The following PACRG variants were observed in gnomAD, a reference collection of about 807,000 sequenced individuals.
PACRG encodes the protein parkin coregulated, also known as parkin coregulated gene protein.
A neutral mutation model predicts 29.7 loss-of-function variants in PACRG; 29 were observed. The observed-to-expected ratio is 0.98, with a 90% CI of 0.73 to 1.33. The LOEUF (loss-of-function observed/expected upper bound fraction) is 1.33. Ranked by LOEUF, PACRG falls within the 40% of genes most tolerant of loss-of-function variation. The pLI, the probability that PACRG is intolerant of heterozygous loss-of-function variation, is 0.00. For synonymous variants in PACRG, 116 were observed against 118.7 expected (o/e 0.98, Z 0.15); for missense variants, 279 against 316.2 (o/e 0.88, Z 0.89).
At chr6:162,995,484 G>T (rs1803929738) in intron 2 of PACRG, among the ~76,000 whole-genome samples, 1 of 152,180 alleles carries the variant, frequency 6.6e-6, no homozygotes, top group Non-Finnish European at 1.5e-5. Context: ...GCAGTATTCG[G>T]GTGGGAGTGA....
At chr6:163,293,530 C>G (rs1421263782) in intron 4 of PACRG, among the ~76,000 whole-genome samples, 1 of 152,226 alleles carries the variant, frequency 6.6e-6, no homozygotes, top group Non-Finnish European at 1.5e-5. Flanking sequence ...ACAGTTACAT[C>G]ATGAACTAAG....
At chr6:162,983,285 G>A (rs959161879) in intron 2 of PACRG, among the ~76,000 whole-genome samples, 2 of 151,998 alleles carry the variant, frequency 1.3e-5, no homozygotes, top group African/African-American at 4.8e-5. Flanking sequence ...TTTAAGTGGA[G>A]CATTTAGGCC....
chr6:162,727,919 C>T, upstream of PACRG: 1 of 592,222 alleles, frequency 1.7e-6, no homozygotes, highest in Admixed American at 3.0e-5. Flanking sequence ...GCTTCAGGCC[C>T]AGCAATCTTA....
At chr6:163,059,971 G>T (rs561609048) in intron 2 of PACRG, among the ~76,000 whole-genome samples, 26 of 152,168 alleles carry the variant, frequency 1.7e-4, no homozygotes, top group Non-Finnish European at 3.5e-4. Context: ...ATAAATTTAA[G>T]TTTGGAAATG....
chr6:162,986,459 G>T (rs1222789782), intron 2 of PACRG, among the ~76,000 whole-genome samples: 1 of 152,120 alleles, frequency 6.6e-6, no homozygotes, highest in Non-Finnish European at 1.5e-5. Flanking sequence ...ATAAAGTGGG[G>T]AAAGGACACC....
chr6:163,281,010 A>G (rs1784208162), intron 4 of PACRG, among the ~76,000 whole-genome samples: 1 of 152,184 alleles, frequency 6.6e-6, no homozygotes, highest in Non-Finnish European at 1.5e-5. Flanking sequence ...CCTTCCCGTC[A>G]GATTATGAAA....
chr6:162,813,160 AT>A (rs1193233665), intron 1 of PACRG, among the ~76,000 whole-genome samples: 3 of 151,934 alleles, frequency 2.0e-5, no homozygotes, highest in Non-Finnish European at 4.4e-5. Flanking sequence ...ATTCATTAAA[AT>A]TGGAGTTTTT....
rs150080935 is a variant in PACRG, at chr6:163,008,624, C to T, written c.292-53526C>T. The stretch of plus-strand genomic sequence containing the variant: ...ATCAAGCCCAACGGAAAGCTTTCTA[C>T]GAGAGCCTGGGCCACCAGGAACTTT... On this transcript the variant is annotated intron_variant, in intron 2 of 4. Transcript: ENST00000366888. 4.6e-4 allele frequency among the ~76,000 whole-genome samples: 69 copies of T among 148,824 alleles called. 1 individual carries two copies. The highest frequency in any genetic ancestry group is 1.4e-3 in the African/African-American group (58 of 40,234).
rs118077614 is a variant in PACRG, at chr6:163,037,674, C to T, written c.292-24476C>T. ...AACAACTATCCTCTCGCAACATACT[C>T]GGGCACCCCAGGATTTCCCTCAGTC... On this transcript the variant is annotated intron_variant, in intron 2 of 4. Coordinates refer to ENST00000366888, the MANE Select transcript of PACRG (RefSeq NM_001080379.2). Among the ~76,000 whole-genome samples the T allele has an allele frequency of 8.4e-4, 128 of 152,348 alleles. 1 individual carries two copies. In the East Asian group the frequency reaches 0.02, roughly 24 times the overall value.
intron 2 of PACRG, among the ~76,000 whole-genome samples, chr6:163,013,836 T>A (rs1463308053): frequency 2.6e-5 from 4 of 151,822 alleles, no homozygotes; most frequent in Non-Finnish European, 5.9e-5. Context: ...TTGACAAATA[T>A]AATTGCTTTA....
intron 2 of PACRG, among the ~76,000 whole-genome samples, chr6:162,952,479 G>A (rs906381437): frequency 2.6e-5 from 4 of 152,150 alleles, no homozygotes; most frequent in African/African-American, 7.2e-5. Flanking sequence ...AAATAGTACT[G>A]TTCCACAGGG....
At chr6:162,881,002 G>A (rs137857636) in intron 2 of PACRG, among the ~76,000 whole-genome samples, 49 of 152,318 alleles carry the variant, frequency 3.2e-4, no homozygotes, top group African/African-American at 1.0e-3. Flanking sequence ...GACACAGATC[G>A]TCACGATCTT....
At chr6:162,886,903 T>C (rs1271072003) in intron 2 of PACRG, among the ~76,000 whole-genome samples, 2 of 152,078 alleles carry the variant, frequency 1.3e-5, no homozygotes, top group Non-Finnish European at 2.9e-5. Context: ...ACTCCAGTTA[T>C]TATTATTATT....
chr6:163,075,606 AAATC>A (rs1184098982), intron 3 of PACRG, among the ~76,000 whole-genome samples: 3 of 152,222 alleles, frequency 2.0e-5, no homozygotes, highest in East Asian at 1.9e-4. Context: ...AACACTAGAA[AAATC>A]AATCAAGCCA....
chr6:163,298,654 AAAG>A (rs1398613121), intron 4 of PACRG, among the ~76,000 whole-genome samples: 3 of 152,248 alleles, frequency 2.0e-5, no homozygotes, highest in Admixed American at 2.0e-4. Context: ...GTCTCTAGCC[AAAG>A]AAGAACAGCT....
At chr6:163,165,053 G>GT (rs1397926814) in intron 4 of PACRG, among the ~76,000 whole-genome samples, 1 of 152,020 alleles carries the variant, frequency 6.6e-6, no homozygotes, top group Non-Finnish European at 1.5e-5. Flanking sequence ...GTCTATGGGG[G>GT]TTTAAAAAAA....
At chr6:163,264,470 G>A (rs559239412) in intron 4 of PACRG, among the ~76,000 whole-genome samples, 1 of 152,174 alleles carries the variant, frequency 6.6e-6, no homozygotes, top group Non-Finnish European at 1.5e-5. Flanking sequence ...CAGCAGCAGG[G>A]GACACTGTGT....
At chr6:162,935,144 T>G (rs1301988210) in intron 2 of PACRG, among the ~76,000 whole-genome samples, 2 of 152,178 alleles carry the variant, frequency 1.3e-5, no homozygotes, top group East Asian at 3.9e-4. Flanking sequence ...TTTGATAGTT[T>G]AACTATAACT....
chr6:162,834,782 GA>G (rs1444417681), intron 2 of PACRG, among the ~76,000 whole-genome samples: 1 of 151,854 alleles, frequency 6.6e-6, no homozygotes, highest in East Asian at 1.9e-4. Context: ...TTGATGTAAT[GA>G]AACCCAGAAG....
Sources: gnomAD v4.1 joint callset for allele counts (sites outside exome capture counted in the v4.1 genomes callset) on GRCh38, gnomAD v4.1.1 for gene constraint, MANE v1.5 for transcripts, NCBI Gene and HGNC (gene_info 2026-07-23, HGNC 2026-07-21) for gene names.